The following SLC24A2 variants were observed in gnomAD, a reference collection of about 807,000 sequenced individuals.
SLC24A2 encodes the protein solute carrier family 24 member 2, also known as sodium/potassium/calcium exchanger 2.
Under a neutral mutation model 62.0 loss-of-function variants are expected in SLC24A2, and 36 were observed. The ratio of observed to expected loss-of-function variants is 0.58; its 90% confidence interval spans 0.44 to 0.77. SLC24A2 has a LOEUF of 0.77. Among genes scored for constraint, SLC24A2 ranks in the 30% least tolerant of loss-of-function variants. The pLI, the probability that SLC24A2 is intolerant of heterozygous loss-of-function variation, is 0.00. For synonymous variants in SLC24A2, 358 were observed against 294.0 expected, an observed-to-expected ratio of 1.22 and a Z score of -2.23; for missense variants, 846 against 817.9, an observed-to-expected ratio of 1.03 and a Z score of -0.42.
At chr9:19,565,196 GA>G (rs1396823231) in intron 7 of SLC24A2, among the ~76,000 whole-genome samples, 2 of 152,158 alleles carry the variant, frequency 1.3e-5, no homozygotes, top group African/African-American at 4.8e-5. Context: ...ATGACATGAT[GA>G]TTGTATATTT....
At chr9:20,058,603 C>A in the SLC24A2 span, among the ~76,000 whole-genome samples, 1 of 152,024 alleles carries the variant, frequency 6.6e-6, no homozygotes, top group Non-Finnish European at 1.5e-5. Context: ...CTTGCCAAGA[C>A]GCATTAAATA....
At chr9:20,235,936 G>C in the SLC24A2 span, among the ~76,000 whole-genome samples, 1 of 152,056 alleles carries the variant, frequency 6.6e-6, no homozygotes, top group Non-Finnish European at 1.5e-5. Context: ...AGCTTTCCAA[G>C]GACAGGAACT....
chr9:19,710,658 C>G (rs546406088), intron 2 of SLC24A2, among the ~76,000 whole-genome samples: 1 of 152,116 alleles, frequency 6.6e-6, no homozygotes, highest in Non-Finnish European at 1.5e-5. Flanking sequence ...ATCTGTAGAG[C>G]CTGGTCATGA....
the SLC24A2 span, among the ~76,000 whole-genome samples, chr9:19,890,840 C>T: frequency 5.3e-5 from 8 of 152,150 alleles, no homozygotes; most frequent in African/African-American, 1.9e-4. Flanking sequence ...ACAAATCTCA[C>T]ATCTGTGGCT....
At chr9:20,237,279 T>G in the SLC24A2 span, among the ~76,000 whole-genome samples, 1 of 152,212 alleles carries the variant, frequency 6.6e-6, no homozygotes. Flanking sequence ...CACCATTTAG[T>G]GAGCACCTTC....
At chr9:19,563,238 C>G (rs145586685) in intron 7 of SLC24A2, among the ~76,000 whole-genome samples, 8 of 152,080 alleles carry the variant, frequency 5.3e-5, no homozygotes, top group Admixed American at 3.9e-4. Context: ...ACACACACAC[C>G]GCTTTTCACC....
chr9:20,048,095 A>G, the SLC24A2 span, among the ~76,000 whole-genome samples: 1 of 152,274 alleles, frequency 6.6e-6, no homozygotes, highest in Admixed American at 6.5e-5. Flanking sequence ...ATTGTTAATA[A>G]CAGCTACCAC....
the SLC24A2 span, among the ~76,000 whole-genome samples, chr9:19,964,746 AACTC>A: frequency 6.6e-6 from 1 of 152,174 alleles, no homozygotes; most frequent in East Asian, 1.9e-4. Context: ...TGGGGCTGCT[AACTC>A]ACTTTGTTGG....
chr9:19,785,855 A>G, intron 2 of SLC24A2, 82 bp downstream of exon 2: 1 of 1,581,942 alleles, frequency 6.3e-7, no homozygotes, highest in Non-Finnish European at 8.7e-7. Context: ...CCATCACATC[A>G]AAAGAACTGC....
Position 19,767,260 on chromosome 9 carries a change from C to T in SLC24A2, c.930+18677G>A, listed in dbSNP as rs113056238. On this transcript the variant is annotated intron_variant, in intron 2 of 10. Transcript: ENST00000341998. ...GGGTGTGGGATCTGCTTAGCTAGAC[C>T]ACTTGGCTCCCTGGCTTCAGCCCCC... is the stretch of plus-strand genomic sequence containing the variant. Among the ~76,000 whole-genome samples, 429 of 152,292 alleles carry T rather than the reference C, an allele frequency of 2.8e-3. 2 individuals are homozygous for T. The highest frequency in any genetic ancestry group is 9.4e-3 in the African/African-American group (392 of 41,574).
chr9:19,549,035 C>G (rs1029879730), intron 8 of SLC24A2, among the ~76,000 whole-genome samples: 2 of 152,194 alleles, frequency 1.3e-5, no homozygotes, highest in African/African-American at 4.8e-5. Flanking sequence ...GAACTCACTT[C>G]AACAACAGTG....
At chr9:19,687,262 T>C (rs1430941339) in intron 2 of SLC24A2, among the ~76,000 whole-genome samples, 1 of 152,098 alleles carries the variant, frequency 6.6e-6, no homozygotes, top group Middle Eastern at 3.2e-3. Context: ...TCTGCACATG[T>C]TCCCCGAACC....
chr9:20,173,594 T>A, the SLC24A2 span, among the ~76,000 whole-genome samples: 138 of 151,322 alleles, frequency 9.1e-4, 2 homozygotes, highest in African/African-American at 2.9e-3. Flanking sequence ...GCTGCAAAAA[T>A]TAAAAATTAA....
the SLC24A2 span, among the ~76,000 whole-genome samples, chr9:19,802,761 TAAA>T: frequency 6.6e-6 from 1 of 152,204 alleles, no homozygotes; most frequent in African/African-American, 2.4e-5. Flanking sequence ...CAATATTTAA[TAAA>T]ACTTCAGAAA....
At chr9:20,049,210 G>C in the SLC24A2 span, among the ~76,000 whole-genome samples, 1 of 148,484 alleles carries the variant, frequency 6.7e-6, no homozygotes, top group African/African-American at 2.5e-5. Context: ...AACAGGAAGG[G>C]GATTCTTTTC....
At chr9:20,120,571 G>C in the SLC24A2 span, among the ~76,000 whole-genome samples, 1 of 152,124 alleles carries the variant, frequency 6.6e-6, no homozygotes, top group Non-Finnish European at 1.5e-5. Flanking sequence ...TGGGAGAAGG[G>C]TGAGGACTGA....
At chr9:20,241,039 A>G in the SLC24A2 span, among the ~76,000 whole-genome samples, 7 of 152,210 alleles carry the variant, frequency 4.6e-5, no homozygotes, top group Non-Finnish European at 5.9e-5. Flanking sequence ...CCTGGAAGAA[A>G]GCATTTCTCA....
chr9:20,166,221 TCCAACAAAATTACTATGTAGCAATC>T, the SLC24A2 span, among the ~76,000 whole-genome samples: 1 of 151,898 alleles, frequency 6.6e-6, no homozygotes, highest in Non-Finnish European at 1.5e-5. Flanking sequence ...TTTAGCAATA[TCCAACAAAATTACTATGTAGCAATC>T]CCAACTCTAT....
chr9:19,664,897 T>C (rs1027005047), intron 2 of SLC24A2, among the ~76,000 whole-genome samples: 1 of 152,232 alleles, frequency 6.6e-6, no homozygotes, highest in Non-Finnish European at 1.5e-5. Flanking sequence ...AATACCTTGA[T>C]GTCAGACTTC....
Sources: gnomAD v4.1 joint callset for allele counts (sites outside exome capture counted in the v4.1 genomes callset) on GRCh38, gnomAD v4.1.1 for gene constraint, MANE v1.5 for transcripts, NCBI Gene and HGNC (gene_info 2026-07-23, HGNC 2026-07-21) for gene names.